Variants in NDC1 observed in about 807,000 individuals in gnomAD.
NDC1 encodes NDC1 transmembrane nucleoporin.
A neutral mutation model predicts 89.8 loss-of-function variants in NDC1; 24 were observed. That is an observed-to-expected ratio of 0.27 (90% CI 0.19 to 0.38). NDC1 has a LOEUF of 0.38. Ranked by LOEUF, NDC1 falls within the 10% of genes least tolerant of loss-of-function variation. NDC1 has a pLI of 1.00. For missense variants in NDC1, 728 were observed against 797.6 expected, an observed-to-expected ratio of 0.91 and a Z score of 1.05; for synonymous variants, 296 against 284.8, an observed-to-expected ratio of 1.04 and a Z score of -0.39.
intron 5 of NDC1, among the ~76,000 whole-genome samples, chr1:53,822,337 A>G (rs1005861183): frequency 6.6e-6 from 1 of 152,220 alleles, no homozygotes; most frequent in Non-Finnish European, 1.5e-5. Flanking sequence ...TCCGTCTCAA[A>G]AAAAAGCCTC....
intron 7 of NDC1, among the ~76,000 whole-genome samples, chr1:53,808,469 C>T (rs1488703070): frequency 6.6e-6 from 1 of 152,200 alleles, no homozygotes; most frequent in East Asian, 1.9e-4. Context: ...ATAATATGTT[C>T]ATTCTTCCTC....
chr1:53,785,991 C>T (rs1400543724), intron 16 of NDC1, among the ~76,000 whole-genome samples: 2 of 152,294 alleles, frequency 1.3e-5, no homozygotes, highest in African/African-American at 4.8e-5. Flanking sequence ...GTGGCACGAT[C>T]TCCACTCACC....
intron 16 of NDC1, among the ~76,000 whole-genome samples, chr1:53,782,768 T>C (rs1410275563): frequency 1.5e-4 from 23 of 152,238 alleles, no homozygotes. Context: ...GTAGTTCCTG[T>C]GACTTTGTCA....
chr1:53,775,505 C>A (rs1181194), intron 16 of NDC1, among the ~76,000 whole-genome samples: 1 of 151,924 alleles, frequency 6.6e-6, no homozygotes, highest in African/African-American at 2.4e-5. Context: ...GTGATCCGCC[C>A]GCCTCAGCCT....
intron 6 of NDC1, among the ~76,000 whole-genome samples, chr1:53,813,989 C>T (rs904343677): frequency 4.6e-5 from 7 of 152,166 alleles, no homozygotes; most frequent in Admixed American, 3.3e-4. Flanking sequence ...CAGAACCATG[C>T]AAATACATGG....
At chr1:53,806,052 C>T (rs1053367169) in intron 9 of NDC1, among the ~76,000 whole-genome samples, 6 of 151,228 alleles carry the variant, frequency 4.0e-5, no homozygotes, top group African/African-American at 7.3e-5. Flanking sequence ...CCAGCCTGGG[C>T]GACAGAGCGA....
intron 6 of NDC1, among the ~76,000 whole-genome samples, chr1:53,812,235 C>T (rs1648332062): frequency 6.6e-6 from 1 of 152,136 alleles, no homozygotes; most frequent in Non-Finnish European, 1.5e-5. Context: ...ACTAGTTCAC[C>T]AGTAATGGAT....
chr1:53,796,849 G>A, intron 12 of NDC1, 45 bp from the exon 13 acceptor site: 1 of 1,607,568 alleles, frequency 6.2e-7, no homozygotes, highest in Non-Finnish European at 8.5e-7. Context: ...TAGGCTGTCT[G>A]ATCCTCTGCA....
chr1:53,827,466 A>T (rs552831565), intron 4 of NDC1, among the ~76,000 whole-genome samples: 1 of 152,300 alleles, frequency 6.6e-6, no homozygotes, highest in South Asian at 2.1e-4. Context: ...TAATTTTTAA[A>T]GTCAGAATAT....
At chr1:53,816,178 A>G (rs1222590713) in intron 6 of NDC1, among the ~76,000 whole-genome samples, 2 of 152,242 alleles carry the variant, frequency 1.3e-5, no homozygotes, top group African/African-American at 2.4e-5. Context: ...TGGAGGCATC[A>G]CACTACCTGA....
At chr1:53,804,134 C>A (rs1648023048) in intron 9 of NDC1, 125 bp from the exon 10 acceptor site, 2 of 696,008 alleles carry the variant, frequency 2.9e-6, no homozygotes, top group Admixed American at 5.7e-5. Context: ...AAAAAAAAAT[C>A]TCAGAACCAT....
chr1:53,805,870 C>A (rs1450283330), intron 9 of NDC1, among the ~76,000 whole-genome samples: 1 of 152,032 alleles, frequency 6.6e-6, no homozygotes, highest in Non-Finnish European at 1.5e-5. Context: ...GTCAGGAGAT[C>A]GAGACCATCC....
At chr1:53,803,869 C>T (rs530309315) in intron 10 of NDC1, 59 bp downstream of exon 10, 1 of 1,330,482 alleles carries the variant, frequency 7.5e-7, no homozygotes, top group African/African-American at 1.4e-5. Flanking sequence ...CCATGCCTGG[C>T]CAAGTGAATT....
chr1:53,827,131 G>C (rs1406021783), intron 4 of NDC1, among the ~76,000 whole-genome samples: 1 of 151,972 alleles, frequency 6.6e-6, no homozygotes, highest in Non-Finnish European at 1.5e-5. Flanking sequence ...ATGATATTAA[G>C]GGGGAAAAAA....
At chr1:53,828,507 T>C (rs1255355068) in intron 3 of NDC1, among the ~76,000 whole-genome samples, 1 of 152,074 alleles carries the variant, frequency 6.6e-6, no homozygotes, top group African/African-American at 2.4e-5. Flanking sequence ...TGATTTTTTT[T>C]TTCATATATG....
At chr1:53,791,361 G>A (rs921978080) in intron 14 of NDC1, among the ~76,000 whole-genome samples, 5 of 151,546 alleles carry the variant, frequency 3.3e-5, no homozygotes, top group African/African-American at 1.2e-4. Context: ...GGAGCTTGCA[G>A]TGAGCCCGAG....
chr1:53,803,454 C>A (rs1480167923), intron 10 of NDC1, among the ~76,000 whole-genome samples: 1 of 152,130 alleles, frequency 6.6e-6, no homozygotes, highest in African/African-American at 2.4e-5. Flanking sequence ...AATGAAGGAG[C>A]TGAAGGTAAT....
intron 6 of NDC1, among the ~76,000 whole-genome samples, chr1:53,813,722 G>A (rs1164684204): frequency 6.6e-6 from 1 of 151,848 alleles, no homozygotes; most frequent in Non-Finnish European, 1.5e-5. Context: ...TAGGTTATGA[G>A]AACAGAAAGT....
chr1:53,806,276 C>T (rs927310532), intron 9 of NDC1, 149 bp downstream of exon 9: 6 of 471,874 alleles, frequency 1.3e-5, no homozygotes, highest in African/African-American at 1.2e-4. Context: ...AAAAAATAAA[C>T]AGCATTAGCA....
Sources: allele counts gnomAD v4.1 joint callset (sites outside exome capture counted in the v4.1 genomes callset), GRCh38; gene constraint gnomAD v4.1.1; transcripts MANE v1.5; gene names NCBI Gene and HGNC (gene_info 2026-07-23, HGNC 2026-07-21).